The following MRTFB variants were observed in gnomAD, a reference collection of about 807,000 sequenced individuals.
The protein encoded by MRTFB is myocardin-related transcription factor B.
In MRTFB, 29 loss-of-function variants were observed where a neutral mutation model predicts 104.2. That is an observed-to-expected ratio of 0.28 (90% CI 0.21 to 0.38). MRTFB has a LOEUF of 0.38. Ranked by LOEUF, MRTFB falls within the 10% of genes least tolerant of loss-of-function variation. The pLI, the probability that MRTFB is intolerant of heterozygous loss-of-function variation, is 1.00. For missense variants in MRTFB, 1,270 were observed against 1,341.6 expected, an observed-to-expected ratio of 0.95 and a Z score of 0.83; for synonymous variants, 535 against 519.5, an observed-to-expected ratio of 1.03 and a Z score of -0.41.
chr16:14,195,673 T>A, intron 3 of MRTFB: 2 of 539,622 alleles, frequency 3.7e-6, no homozygotes, highest in Non-Finnish European at 4.7e-6. Flanking sequence ...GCATTTGTAT[T>A]AAGAAACATG....
chr16:14,126,383 C>G (rs2037112393), intron 2 of MRTFB, among the ~76,000 whole-genome samples: 1 of 152,066 alleles, frequency 6.6e-6, no homozygotes. Flanking sequence ...CTTTAAAACC[C>G]TATTATCATT....
At chr16:14,117,547 T>C (rs2036604689) in intron 2 of MRTFB, among the ~76,000 whole-genome samples, 1 of 152,248 alleles carries the variant, frequency 6.6e-6, no homozygotes, top group South Asian at 2.1e-4. Flanking sequence ...ACAATGTCTG[T>C]TGTGTTTGTT....
At position 14,223,013 on chromosome 16, in the gene MRTFB, T is replaced by TA. The variant is rs576525395; in HGVS notation, c.693+4023dup. Among the ~76,000 whole-genome samples the TA allele has an allele frequency of 9.6e-4, 144 of 150,706 alleles. 3 individuals are homozygous for TA. In the South Asian group the frequency reaches 0.025, roughly 26 times the overall value. Reference sequence around the variant, plus strand: ...CTGGGCAACATAGCAAAATCCCATTTAAAAAAAACAAGGCAGGGTGCAGTG... The same window carrying TA: ...CTGGGCAACATAGCAAAATCCCATTTAAAAAAAAACAAGGCAGGGTGCAGTG... On this transcript the variant is annotated intron_variant, in intron 8 of 16. Transcript: ENST00000571589.
chr16:14,015,906 G>A, the MRTFB span: 7 of 398,458 alleles, frequency 1.8e-5, no homozygotes, highest in Non-Finnish European at 3.1e-5. Context: ...TTTTCTCTCC[G>A]GGTCTCCTCC....
At chr16:14,035,676 G>A in the MRTFB span, among the ~76,000 whole-genome samples, 4 of 151,938 alleles carry the variant, frequency 2.6e-5, no homozygotes, top group African/African-American at 9.7e-5. Context: ...TTTGCACAAG[G>A]CCACACAAAC....
chr16:14,056,084 C>T, the MRTFB span, among the ~76,000 whole-genome samples: 4 of 152,212 alleles, frequency 2.6e-5, no homozygotes, highest in East Asian at 7.7e-4. Context: ...ATTCAAGTAA[C>T]TCTCATGCTT....
intron 2 of MRTFB, among the ~76,000 whole-genome samples, chr16:14,130,623 T>G (rs2037390308): frequency 6.6e-6 from 1 of 152,230 alleles, no homozygotes; most frequent in African/African-American, 2.4e-5. Flanking sequence ...TTTTGATTGG[T>G]GAAACCACTA....
rs1472529431 is a variant in MRTFB at position 14,183,732 on chromosome 16, A to C, written c.155-26511A>C. Reference sequence around the variant, plus strand: ...TGTAAATTTGAAATTATTTCAAAAAATTTTTTTAATAAATGTTCTTTCAGG... The same window carrying C: ...TGTAAATTTGAAATTATTTCAAAAACTTTTTTTAATAAATGTTCTTTCAGG... On this transcript the variant is annotated intron_variant, in intron 3 of 16. Transcript: ENST00000571589. 3.3e-5 allele frequency among the ~76,000 whole-genome samples: 5 copies of C among 152,250 alleles called. No individual in the cohort carries two copies. In the East Asian group the frequency reaches 9.6e-4, roughly 29 times the overall value.
chr16:14,103,725 T>C (rs939135426), intron 2 of MRTFB, among the ~76,000 whole-genome samples: 2 of 152,192 alleles, frequency 1.3e-5, no homozygotes, highest in Non-Finnish European at 2.9e-5. Flanking sequence ...CCCAGTTTGC[T>C]ACAAATATAG....
At chr16:14,077,013 A>C (rs2034104108) in intron 1 of MRTFB, among the ~76,000 whole-genome samples, 1 of 152,214 alleles carries the variant, frequency 6.6e-6, no homozygotes, top group African/African-American at 2.4e-5. Context: ...AAGTGTATAA[A>C]TTAGAGAGAT....
At chr16:14,065,915 T>C in the MRTFB span, among the ~76,000 whole-genome samples, 1 of 152,186 alleles carries the variant, frequency 6.6e-6, no homozygotes, top group Non-Finnish European at 1.5e-5. Flanking sequence ...GCAAGTTCTT[T>C]CCTACCCTTC....
chr16:14,212,439 TTC>T (rs755541127), intron 5 of MRTFB, 30 bp downstream of exon 5: 1 of 1,585,258 alleles, frequency 6.3e-7, no homozygotes, highest in Non-Finnish European at 8.7e-7. Context: ...AATGTTCTAC[TTC>T]TCTCTCCTTC....
At chr16:14,216,260 A>G (rs1298175290) in intron 6 of MRTFB, among the ~76,000 whole-genome samples, 1 of 152,214 alleles carries the variant, frequency 6.6e-6, no homozygotes, top group Non-Finnish European at 1.5e-5. Flanking sequence ...GTTCATCCTA[A>G]GCCGACTTAT....
At position 14,233,744 on chromosome 16, in the gene MRTFB, C is replaced by G. The variant is rs772891528; in HGVS notation, c.694-402C>G. ...GGCAGAGGTTGCAGTGAGCCAAGATCACCCCACTGCATTCCAGCCTGAGTG... is the reference window on the plus strand; with the variant it reads ...GGCAGAGGTTGCAGTGAGCCAAGATGACCCCACTGCATTCCAGCCTGAGTG... On this transcript the variant is annotated intron_variant, in intron 8 of 16. Coordinates refer to ENST00000571589, the MANE Select transcript of MRTFB (RefSeq NM_001308142.2). Among the ~76,000 whole-genome samples, 6 of 143,386 alleles carry G rather than the reference C, an allele frequency of 4.2e-5. No individual in the cohort carries two copies. In the East Asian group the frequency reaches 1.0e-3, roughly 25 times the overall value. The allele number at this position is 143,386 out of a possible 152,430, so 94.1% of individuals were successfully genotyped here.
the MRTFB span, among the ~76,000 whole-genome samples, chr16:14,007,067 C>G: frequency 6.6e-6 from 1 of 152,098 alleles, no homozygotes; most frequent in Non-Finnish European, 1.5e-5. Context: ...AGATGTAATT[C>G]GTACACCGTA....
intron 10 of MRTFB, chr16:14,240,863 A>G (rs2042737104): frequency 3.2e-6 from 2 of 632,546 alleles, no homozygotes; most frequent in Non-Finnish European, 5.6e-6. Context: ...GGAGTGGTCA[A>G]AGGAAAGCCT....
rs1334828941 is a variant in MRTFB, at chr16:14,140,578, C to T, written c.-29C>T. On this transcript the variant is annotated 5_prime_UTR_variant, in exon 3 of 17. Transcript: ENST00000571589. ...TAGGCCGTGTTTAAGAGGCGTCTTA[C>T]ACTCCCTGTTGCCAGTGGCTGGAAC... 1.9e-6 allele frequency: 3 copies of T among 1,613,246 alleles called. No homozygotes were observed. The highest frequency in any genetic ancestry group is 2.7e-5 in the African/African-American group (2 of 74,916).
chr16:14,196,083 T>C (rs1352328460), intron 3 of MRTFB, among the ~76,000 whole-genome samples: 1 of 152,218 alleles, frequency 6.6e-6, no homozygotes, highest in African/African-American at 2.4e-5. Flanking sequence ...ACAAGAAGCA[T>C]ACTTTAAATT....
At chr16:14,008,871 T>G in the MRTFB span, among the ~76,000 whole-genome samples, 2 of 150,908 alleles carry the variant, frequency 1.3e-5, no homozygotes, top group African/African-American at 2.4e-5. Flanking sequence ...TATATAGTTT[T>G]GCAATGTAAA....
Sources: allele counts gnomAD v4.1 joint callset (sites outside exome capture counted in the v4.1 genomes callset), GRCh38; gene constraint gnomAD v4.1.1; transcripts MANE v1.5; gene names NCBI Gene and HGNC (gene_info 2026-07-23, HGNC 2026-07-21).